The following GADD45G variants were observed in gnomAD, a reference collection of about 807,000 sequenced individuals.
GADD45G encodes growth arrest and DNA damage-inducible protein GADD45 gamma.
A neutral mutation model predicts 17.3 loss-of-function variants in GADD45G; 7 were observed. The ratio of observed to expected loss-of-function variants is 0.41; its 90% confidence interval spans 0.23 to 0.76. GADD45G has a LOEUF of 0.76. Ranked by LOEUF, GADD45G falls within the 30% of genes least tolerant of loss-of-function variation. The pLI is 0.34. For missense variants in GADD45G, 149 were observed against 219.2 expected (o/e 0.68, Z 2.02); for synonymous variants, 93 against 94.9 (o/e 0.98, Z 0.12).
Position 89,606,166 on chromosome 9 carries a change from G to C in GADD45G, c.*87G>C. On this transcript the variant is annotated 3_prime_UTR_variant, in exon 4 of 4. Coordinates refer to ENST00000252506, the MANE Select transcript of GADD45G (RefSeq NM_006705.4). Reference sequence around the variant, plus strand: ...CTGGCTCTGTGGAGGGGCCCTCCGAGGGTGCCCGAGTGCGGCGTGGAGACT... The same window carrying C: ...CTGGCTCTGTGGAGGGGCCCTCCGACGGTGCCCGAGTGCGGCGTGGAGACT... The C allele has an allele frequency of 1.0e-6, 1 of 989,940 alleles. No homozygotes were observed. Among genetic ancestry groups the C allele is most frequent in the Non-Finnish European group, 1.6e-6 (1 of 643,100 alleles). The allele number at this position is 989,940 out of a possible 1,614,324, so 61.3% of individuals were successfully genotyped here. A position where few individuals can be genotyped will look rare whatever the true frequency, so the allele number is the denominator to read the frequency against.
Position 89,606,441 on chromosome 9 carries a change from G to A in GADD45G, c.*362G>A. On this transcript the variant is annotated 3_prime_UTR_variant, in exon 4 of 4. Transcript: ENST00000252506. ...CTGGACTTGGTACAGTTGCAGGAGC[G>A]TGAAGGACTTAGCCGACTGCGCTGC... 3.1e-6 allele frequency: 1 copy of A among 318,890 alleles called. No homozygotes were observed. Among genetic ancestry groups the A allele is most frequent in the Non-Finnish European group, 5.8e-6 (1 of 171,112 alleles). 19.8% of individuals were successfully genotyped at this position (318,890 alleles called of 1,614,324 possible).
chr9:89,605,286 C>G (rs1827502283), intron 1 of GADD45G, 112 bp downstream of exon 1: 2 of 1,157,884 alleles, frequency 1.7e-6, no homozygotes, highest in Admixed American at 2.0e-5. Flanking sequence ...CGCCAGATCC[C>G]GGTTGGAGAG....
rs1428087040 is a variant in GADD45G at position 89,605,144 on chromosome 9, G to T, written c.23G>T (p.Gly8Val). Residue 8 changes from glycine to valine, a missense_variant, in exon 1 of 4, where the codon GGC becomes GTC. Gly to Val is a moderately radical substitution (Grantham distance 109). Around this residue, in one of 3 missense-constraint regions of GADD45G, gnomAD observed 37 missense variants for 34.9 expected, o/e 1.06. Coordinates refer to ENST00000252506, the MANE Select transcript of GADD45G (RefSeq NM_006705.4). Reference sequence around the variant, plus strand: ...ACTATGACTCTGGAAGAAGTCCGCGGCCAGGACACAGTTCCGGAAAGCACA... The same window carrying T: ...ACTATGACTCTGGAAGAAGTCCGCGTCCAGGACACAGTTCCGGAAAGCACA... The part of the protein sequence containing the change: MTLEEVR[G>V]QDTVPESTAR... The T allele has an allele frequency of 6.2e-7, 1 of 1,613,958 alleles. No homozygotes were observed.
chr9:89,605,395 C>T (rs778497103), intron 1 of GADD45G, 37 bp from the exon 2 acceptor site: 1 of 1,477,532 alleles, frequency 6.8e-7, no homozygotes, highest in Non-Finnish European at 9.2e-7. Flanking sequence ...CCGCGCCCTC[C>T]GGCCGGCTCC....
Position 89,605,850 on chromosome 9 carries a change from G to A in GADD45G, c.339G>A (p.Ala113=), listed in dbSNP as rs1354892139. Residue 113 remains alanine (A), a synonymous_variant, in exon 3 of 4, where the codon GCG becomes GCA. Transcript: ENST00000252506. ...AIVGAGEEAG[A]PGDLHCILIS... ...TGGGCGCCGGCGAGGAGGCGGGTGCGCCGGGCGACCTGCACTGCATCCTCA... is the reference window on the plus strand; with the variant it reads ...TGGGCGCCGGCGAGGAGGCGGGTGCACCGGGCGACCTGCACTGCATCCTCA... 1 of 1,612,102 alleles carries A rather than the reference G, an allele frequency of 6.2e-7. No individual in the cohort carries two copies. The highest frequency in any genetic ancestry group is 1.7e-5 in the Admixed American group (1 of 59,908).
In GADD45G at chr9:89,606,025, C is replaced by T; in HGVS notation, c.426C>T (p.Cys142=). 6.2e-7 allele frequency: 1 copy of T among 1,613,656 alleles called. No homozygotes were observed. The change falls in exon 4 of 4, where the codon TGC becomes TGT. Residue 142 remains cysteine (C), a synonymous_variant. Coordinates refer to ENST00000252506, the MANE Select transcript of GADD45G (RefSeq NM_006705.4). The stretch of plus-strand genomic sequence containing the variant: ...CCTTGGAGAAGCTCAGCCTGTTTTG[C>T]GAGGAGAGCCGCAGCGTTAACGACT... ...DPALEKLSLF[C]EESRSVNDWV... is the part of the protein sequence containing the mutation.
At chr9:89,605,333 T>C in intron 1 of GADD45G, 99 bp from the exon 2 acceptor site, 2 of 1,112,704 alleles carry the variant, frequency 1.8e-6, no homozygotes, top group East Asian at 2.6e-5. Context: ...TGGAGTGTGG[T>C]TGGAGTTGGG....
chr9:89,605,488 G>A lies in GADD45G; in HGVS notation c.110G>A (p.Gly37Asp). ...TTGCTGCTGTCGGCGCAGCGTCAGG[G>A]CTGCCTCACTGCCGGCGTCTACGAG... ...HELLLSAQRQ[G>D]CLTAGVYESA... The change falls in exon 2 of 4, where the codon GGC becomes GAC. Residue 37 changes from glycine to aspartate, a missense_variant. Around this residue, in one of 3 missense-constraint regions of GADD45G, gnomAD observed 39 missense variants for 99.9 expected, o/e 0.39. Transcript: ENST00000252506. 6.4e-7 allele frequency: 1 copy of A among 1,563,232 alleles called. No individual in the cohort carries two copies. The highest frequency in any genetic ancestry group is 8.7e-7 in the Non-Finnish European group (1 of 1,153,254).
At position 89,605,584 on chromosome 9, in the gene GADD45G, G is replaced by T. The variant is rs3138504; in HGVS notation, c.155+51G>T. 24,009 of 1,560,994 alleles carry T rather than the reference G, an allele frequency of 0.015. 800 individuals are homozygous for T. The East Asian group carries it at 0.17, about 11-fold the overall frequency. Reference sequence around the variant, plus strand: ...GGAGACAGGGGCGGGGGTGAATGGCGAGGAGACTGGCGGATGGGAGGGGTG... The same window carrying T: ...GGAGACAGGGGCGGGGGTGAATGGCTAGGAGACTGGCGGATGGGAGGGGTG... On this transcript the variant is annotated intron_variant, in intron 2 of 3. Coordinates refer to ENST00000252506, the MANE Select transcript of GADD45G (RefSeq NM_006705.4).
Position 89,605,656 on chromosome 9 carries a change from T to G in GADD45G, c.156-11T>G. On this transcript the variant is annotated splice_polypyrimidine_tract_variant and intron_variant, in intron 2 of 3. Transcript: ENST00000252506. ...CCGGTTCTGACCTAGGTCCCCGCCTTGCCCTCGCAGGGACCCCGACAATGT... is the reference window on the plus strand; with the variant it reads ...CCGGTTCTGACCTAGGTCCCCGCCTGGCCCTCGCAGGGACCCCGACAATGT... 6.2e-7 allele frequency: 1 copy of G among 1,613,024 alleles called. No homozygotes were observed. Among genetic ancestry groups the G allele is most frequent in the Non-Finnish European group, 8.5e-7 (1 of 1,179,394 alleles).
chr9:89,606,219 G>A lies in GADD45G; in HGVS notation c.*140G>A, dbSNP rs1202326657. On this transcript the variant is annotated 3_prime_UTR_variant, in exon 4 of 4. Transcript: ENST00000252506. The stretch of plus-strand genomic sequence containing the variant: ...CAGGCGGGGGGGGCGCCTGGAGAGC[G>A]AGGAGGCGCGGCCTCCCGAGGAGGG... 2 of 679,304 alleles carry A rather than the reference G, an allele frequency of 2.9e-6. No homozygotes were observed. Among genetic ancestry groups the A allele is most frequent in the African/African-American group, 1.8e-5 (1 of 55,488 alleles). The allele number at this position is 679,304 out of a possible 1,614,324, so 42.1% of individuals were successfully genotyped here.
intron 1 of GADD45G, 87 bp downstream of exon 1, chr9:89,605,261 G>A (rs1203017277): frequency 2.3e-6 from 3 of 1,286,578 alleles, no homozygotes; most frequent in Non-Finnish European, 3.4e-6. Context: ...TAGGAGGGGA[G>A]CGCGGGGGTC....
chr9:89,605,075 C>G lies in GADD45G; in HGVS notation c.-47C>G. ...CTGTCAGTGTGTTCGCCCGCGTCCCCTCCGCGCTCTCCGCTTGTGGATAAC... is the reference window on the plus strand; with the variant it reads ...CTGTCAGTGTGTTCGCCCGCGTCCCGTCCGCGCTCTCCGCTTGTGGATAAC... On this transcript the variant is annotated 5_prime_UTR_variant, in exon 1 of 4. Transcript: ENST00000252506. 6.5e-7 allele frequency: 1 copy of G among 1,531,588 alleles called. No individual in the cohort carries two copies. The highest frequency in any genetic ancestry group is 1.7e-5 in the Admixed American group (1 of 58,422). 94.9% of individuals were successfully genotyped at this position (1,531,588 alleles called of 1,614,324 possible).
rs1365762182 is a variant in GADD45G, at chr9:89,605,047, T to A, written c.-75T>A. On this transcript the variant is annotated 5_prime_UTR_variant, in exon 1 of 4. Coordinates refer to ENST00000252506, the MANE Select transcript of GADD45G (RefSeq NM_006705.4). ...GTGGTGGGCGCGCCGTGCTGAGCTC[T>A]GGCTGTCAGTGTGTTCGCCCGCGTC... is the stretch of plus-strand genomic sequence containing the variant. The A allele has an allele frequency of 4.2e-6, 5 of 1,185,940 alleles. No individual in the cohort carries two copies. In the East Asian group the frequency reaches 1.2e-4, roughly 29 times the overall value. The allele number at this position is 1,185,940 out of a possible 1,614,324, so 73.5% of individuals were successfully genotyped here.
At position 89,606,017 on chromosome 9, in the gene GADD45G, C is replaced by T. The variant is rs1247228404; in HGVS notation, c.418C>T (p.Leu140=). Residue 140 remains leucine, a synonymous_variant, in exon 4 of 4, where the codon CTG becomes TTG. Transcript: ENST00000252506. ...WKDPALEKLS[L]FCEESRSVND... Reference sequence around the variant, plus strand: ...GGATCCCGCCTTGGAGAAGCTCAGCCTGTTTTGCGAGGAGAGCCGCAGCGT... The same window carrying T: ...GGATCCCGCCTTGGAGAAGCTCAGCTTGTTTTGCGAGGAGAGCCGCAGCGT... 6.2e-7 allele frequency: 1 copy of T among 1,613,834 alleles called. No individual in the cohort carries two copies.
chr9:89,606,237 G>A lies in GADD45G; in HGVS notation c.*158G>A. The A allele has an allele frequency of 1.6e-6, 1 of 639,276 alleles. No individual in the cohort carries two copies. The highest frequency in any genetic ancestry group is 2.7e-5 in the East Asian group (1 of 36,640). The allele number at this position is 639,276 out of a possible 1,614,324, so 39.6% of individuals were successfully genotyped here. ...GGAGAGCGAGGAGGCGCGGCCTCCC[G>A]AGGAGGGGCCCGGTGGCGGCAGGGC... On this transcript the variant is annotated 3_prime_UTR_variant, in exon 4 of 4. Coordinates refer to ENST00000252506, the MANE Select transcript of GADD45G (RefSeq NM_006705.4).
chr9:89,606,137 G>A lies in GADD45G; in HGVS notation c.*58G>A. The A allele has an allele frequency of 1.5e-6, 2 of 1,345,070 alleles. No homozygotes were observed. Among genetic ancestry groups the A allele is most frequent in the Non-Finnish European group, 2.1e-6 (2 of 956,856 alleles). The allele number at this position is 1,345,070 out of a possible 1,614,324, so 83.3% of individuals were successfully genotyped here. On this transcript the variant is annotated 3_prime_UTR_variant, in exon 4 of 4. Coordinates refer to ENST00000252506, the MANE Select transcript of GADD45G (RefSeq NM_006705.4). Reference sequence around the variant, plus strand: ...GGTGACGCCCCGGGGCGCCTAGAGCGCGGCTGGCTCTGTGGAGGGGCCCTC... The same window carrying A: ...GGTGACGCCCCGGGGCGCCTAGAGCACGGCTGGCTCTGTGGAGGGGCCCTC...
intron 1 of GADD45G, 123 bp downstream of exon 1, chr9:89,605,297 C>T (rs1028802540): frequency 2.8e-5 from 31 of 1,116,548 alleles, no homozygotes; most frequent in Non-Finnish European, 3.5e-5. Flanking sequence ...GGTTGGAGAG[C>T]CGGGGTGCAG....
At position 89,605,899 on chromosome 9, in the gene GADD45G, T is replaced by TGTCCCCGCCCCAGTGTC. The variant is rs1827516921; in HGVS notation, c.369+22_369+38dup. On this transcript the variant is annotated intron_variant, in intron 3 of 3. Coordinates refer to ENST00000252506, the MANE Select transcript of GADD45G (RefSeq NM_006705.4). ...CATTTCGGTGAGTACAGTCCCGTCC[T>TGTCCCCGCCCCAGTGTC]GTCCCCGCCCCAGTGTCGTTCCCGC... 6.3e-7 allele frequency: 1 copy of TGTCCCCGCCCCAGTGTC among 1,592,392 alleles called. No homozygotes were observed. The highest frequency in any genetic ancestry group is 1.1e-5 in the South Asian group (1 of 89,312).
Sources: gnomAD v4.1 joint callset for allele counts on GRCh38, gnomAD v4.1.1 for gene constraint, gnomAD v4.1.1 regional missense constraint, MANE v1.5 for transcripts, NCBI Gene and HGNC (gene_info 2026-07-23, HGNC 2026-07-21) for gene names.